The following APPBP2 variants were observed in gnomAD, a reference collection of about 807,000 sequenced individuals.
The protein encoded by APPBP2 is amyloid beta precursor protein binding protein 2, also known as amyloid protein-binding protein 2.
Under a neutral mutation model 76.0 loss-of-function variants are expected in APPBP2, and 15 were observed. That is an observed-to-expected ratio of 0.20 (90% CI 0.13 to 0.30). The LOEUF is 0.30. Ranked by LOEUF, APPBP2 falls within the 10% of genes least tolerant of loss-of-function variation. The probability of loss-of-function intolerance (pLI) is 1.00; values close to 1 mark genes in which losing one functional copy is unlikely to be tolerated. For missense variants in APPBP2, 401 were observed against 687.2 expected, an observed-to-expected ratio of 0.58 and a Z score of 4.66; for synonymous variants, 222 against 242.2, an observed-to-expected ratio of 0.92 and a Z score of 0.77.
At chr17:60,504,552 G>T (rs1423120600) in intron 1 of APPBP2, among the ~76,000 whole-genome samples, 1 of 152,170 alleles carries the variant, frequency 6.6e-6, no homozygotes, top group Non-Finnish European at 1.5e-5. Context: ...TTATATCATA[G>T]CAGTATTAAA....
At chr17:60,477,753 T>C (rs1280095160) in intron 4 of APPBP2, among the ~76,000 whole-genome samples, 1 of 136,846 alleles carries the variant, frequency 7.3e-6, no homozygotes, top group Non-Finnish European at 1.5e-5. Context: ...ATAAGCCTTG[T>C]ATAAAAAAGG....
intron 1 of APPBP2, among the ~76,000 whole-genome samples, chr17:60,506,724 CAATATT>C (rs1050197021): frequency 2.6e-5 from 4 of 152,172 alleles, no homozygotes; most frequent in African/African-American, 9.6e-5. Context: ...GATATACATT[CAATATT>C]TTCTTTTTTA....
At chr17:60,488,828 T>C (rs2090702507) in intron 3 of APPBP2, among the ~76,000 whole-genome samples, 1 of 152,202 alleles carries the variant, frequency 6.6e-6, no homozygotes, top group Non-Finnish European at 1.5e-5. Flanking sequence ...CATATAGAAC[T>C]AAAGGGATAT....
intron 1 of APPBP2, among the ~76,000 whole-genome samples, chr17:60,511,684 TG>T (rs1316607694): frequency 6.6e-6 from 1 of 152,112 alleles, no homozygotes; most frequent in African/African-American, 2.4e-5. Context: ...TTGTTTCCTC[TG>T]ATTTCAGCAT....
chr17:60,499,931 T>A (rs1391386053), intron 2 of APPBP2, among the ~76,000 whole-genome samples: 2 of 151,918 alleles, frequency 1.3e-5, no homozygotes, highest in African/African-American at 2.4e-5. Context: ...AGTTACTATT[T>A]AGTGGGTAAG....
chr17:60,447,528 GT>G lies in APPBP2; in HGVS notation c.*52del. 1 of 1,549,162 alleles carries G rather than the reference GT, an allele frequency of 6.5e-7. No homozygotes were observed. Among genetic ancestry groups the G allele is most frequent in the Non-Finnish European group, 8.7e-7 (1 of 1,148,954 alleles). Reference sequence around the variant, plus strand: ...AAAACAACATGGTTTTGATTTCACAGTATGAATTCCCTGGAATCCGGGAAAA... The same window carrying G: ...AAAACAACATGGTTTTGATTTCACAGATGAATTCCCTGGAATCCGGGAAAA... On this transcript the variant is annotated 3_prime_UTR_variant, in exon 13 of 13. Coordinates refer to ENST00000083182, the MANE Select transcript of APPBP2 (RefSeq NM_006380.5).
At chr17:60,483,895 T>C (rs1312590112) in intron 3 of APPBP2, among the ~76,000 whole-genome samples, 3 of 152,158 alleles carry the variant, frequency 2.0e-5, no homozygotes, top group Non-Finnish European at 4.4e-5. Flanking sequence ...CCATCTTGAA[T>C]TAATTTTTGT....
intron 1 of APPBP2, among the ~76,000 whole-genome samples, chr17:60,518,352 TGC>T (rs1308852193): frequency 8.1e-5 from 9 of 110,964 alleles, no homozygotes; most frequent in African/African-American, 7.1e-4. Context: ...CAGCCGTGTG[TGC>T]GTGCGTGTGT....
intron 9 of APPBP2, among the ~76,000 whole-genome samples, chr17:60,458,560 G>A (rs1309815382): frequency 6.6e-6 from 1 of 152,094 alleles, no homozygotes; most frequent in Non-Finnish European, 1.5e-5. Flanking sequence ...AATATTTTAG[G>A]TTGTGTTGTC....
chr17:60,469,403 T>G (rs73326469), intron 4 of APPBP2, among the ~76,000 whole-genome samples: 12,100 of 151,022 alleles, frequency 0.08, 1,636 homozygotes, highest in African/African-American at 0.28. Context: ...AAGACCGGTA[T>G]GGGTTTAATA....
chr17:60,525,720 G>A, intron 1 of APPBP2, 74 bp downstream of exon 1: 4 of 1,598,912 alleles, frequency 2.5e-6, no homozygotes, highest in Non-Finnish European at 3.4e-6. Flanking sequence ...AACTGCGGGG[G>A]TTCGCAGACG....
At chr17:60,491,459 G>C (rs1040910616) in intron 3 of APPBP2, among the ~76,000 whole-genome samples, 4 of 151,748 alleles carry the variant, frequency 2.6e-5, no homozygotes, top group African/African-American at 4.8e-5. Context: ...GTTTTGCTTT[G>C]TCACCCAGGC....
At chr17:60,459,354 G>A (rs756349871) in intron 9 of APPBP2, among the ~76,000 whole-genome samples, 15 of 152,156 alleles carry the variant, frequency 9.9e-5, no homozygotes, top group Middle Eastern at 3.4e-3. Context: ...ACTCAAGAGC[G>A]GTATAGGTAA....
intron 12 of APPBP2, among the ~76,000 whole-genome samples, chr17:60,449,659 A>G (rs1408870079): frequency 6.6e-6 from 1 of 151,798 alleles, no homozygotes; most frequent in East Asian, 1.9e-4. Context: ...CTCTGTGTCC[A>G]TATGGGGAAA....
At chr17:60,456,455 C>G in intron 9 of APPBP2, 74 bp from the exon 10 acceptor site, 1 of 953,038 alleles carries the variant, frequency 1.0e-6, no homozygotes, top group Non-Finnish European at 1.7e-6. Flanking sequence ...AAATCACAAT[C>G]TGTAATATAA....
chr17:60,470,480 G>C (rs2090544216), intron 4 of APPBP2, among the ~76,000 whole-genome samples: 1 of 152,134 alleles, frequency 6.6e-6, no homozygotes, highest in Non-Finnish European at 1.5e-5. Context: ...TGCTCAGGCT[G>C]GTCTCAAACT....
At chr17:60,479,670 T>C (rs1274129610) in intron 3 of APPBP2, among the ~76,000 whole-genome samples, 2 of 152,172 alleles carry the variant, frequency 1.3e-5, no homozygotes, top group African/African-American at 4.8e-5. Flanking sequence ...TAACGGAGGA[T>C]ACACAGATAA....
At chr17:60,505,637 T>C (rs1042791057) in intron 1 of APPBP2, among the ~76,000 whole-genome samples, 5 of 149,338 alleles carry the variant, frequency 3.3e-5, no homozygotes, top group African/African-American at 1.2e-4. Context: ...TCTTTATTAA[T>C]GTTACCTCTG....
At chr17:60,468,516 G>C (rs1047121050) in intron 4 of APPBP2, 2 of 152,170 alleles carry the variant, frequency 1.3e-5, no homozygotes, top group Admixed American at 6.5e-5. Context: ...ACAATCTGTG[G>C]AAATTATTTA....
Sources: gnomAD v4.1 joint callset for allele counts (sites outside exome capture counted in the v4.1 genomes callset) on GRCh38, gnomAD v4.1.1 for gene constraint, MANE v1.5 for transcripts, NCBI Gene and HGNC (gene_info 2026-07-23, HGNC 2026-07-21) for gene names.